Variants in LARP4B observed in about 807,000 individuals in gnomAD.
The protein encoded by LARP4B is La ribonucleoprotein 4B.
A neutral mutation model predicts 89.8 loss-of-function variants in LARP4B; 12 were observed. The observed-to-expected ratio is 0.13, with a 90% CI of 0.09 to 0.22. The LOEUF (loss-of-function observed/expected upper bound fraction) is 0.22. Ranked by LOEUF, LARP4B falls within the 10% of genes least tolerant of loss-of-function variation. LARP4B has a pLI of 1.00. For synonymous variants in LARP4B, 367 were observed against 363.3 expected, an observed-to-expected ratio of 1.01 and a Z score of -0.12; for missense variants, 757 against 947.7, an observed-to-expected ratio of 0.80 and a Z score of 2.64.
the LARP4B span, among the ~76,000 whole-genome samples, chr10:955,653 G>T: frequency 4.9e-4 from 75 of 152,238 alleles, no homozygotes; most frequent in African/African-American, 1.4e-3. This position sits in a 1 kb window ranked among gnomAD's most constrained non-coding sequence, Gnocchi z 5.2. Flanking sequence ...TAACACCATG[G>T]TTATTAAAGA....
chr10:955,524 A>T, the LARP4B span, among the ~76,000 whole-genome samples: 5 of 152,330 alleles, frequency 3.3e-5, no homozygotes, highest in East Asian at 9.6e-4. The surrounding 1 kb of genome is among the most constrained non-coding windows in gnomAD (Gnocchi z 5.2). Context: ...TGATTGGAGC[A>T]TGTCCTCGCT....
chr10:901,834 G>A (rs888067994), intron 1 of LARP4B, among the ~76,000 whole-genome samples: 3 of 152,154 alleles, frequency 2.0e-5, no homozygotes, highest in African/African-American at 7.2e-5. Flanking sequence ...GTGAGAAAAT[G>A]TGAGTTTTAT....
chr10:914,184 T>C (rs1156718895), intron 1 of LARP4B, among the ~76,000 whole-genome samples: 1 of 152,192 alleles, frequency 6.6e-6, no homozygotes, highest in African/African-American at 2.4e-5. Context: ...TCAAAATTAC[T>C]TCCTGGGTTT....
chr10:841,040 G>A (rs558647096), intron 7 of LARP4B, among the ~76,000 whole-genome samples: 1 of 152,212 alleles, frequency 6.6e-6, no homozygotes, highest in Non-Finnish European at 1.5e-5. Flanking sequence ...GTAATGCCCA[G>A]CTACTTGGGA....
At chr10:828,300 T>C (rs1314111263) in intron 11 of LARP4B, among the ~76,000 whole-genome samples, 1 of 152,230 alleles carries the variant, frequency 6.6e-6, no homozygotes, top group Non-Finnish European at 1.5e-5. Context: ...ATACTTAACC[T>C]GAAAAGCTCA....
chr10:981,973 T>C, the LARP4B span, among the ~76,000 whole-genome samples: 2 of 152,220 alleles, frequency 1.3e-5, no homozygotes, highest in Admixed American at 6.5e-5. Flanking sequence ...ATGTCTGAAA[T>C]TGCCTGAATC....
chr10:892,783 C>T (rs1433445139), intron 1 of LARP4B, among the ~76,000 whole-genome samples: 1 of 152,136 alleles, frequency 6.6e-6, no homozygotes, highest in Admixed American at 6.5e-5. Flanking sequence ...TTGTGATCCA[C>T]CCACCTCGGC....
chr10:845,009 T>C lies in LARP4B; in HGVS notation c.477A>G (p.Val159=), dbSNP rs199836344. ...QPDSQEDPRE[V]LKKTLEFCLS... is the part of the protein sequence containing the mutation. ...AGCAGAATTCCAATGTTTTTTTAAG[T>C]ACTTCTCGGGGGTCTTCCTGGCTGT... The change falls in exon 6 of 18, where the codon GTA becomes GTG. Residue 159 remains valine, a synonymous_variant. Coordinates refer to ENST00000316157, the MANE Select transcript of LARP4B (RefSeq NM_015155.3). The C allele has an allele frequency of 5.1e-4, 824 of 1,611,844 alleles. 11 individuals are homozygous for C. In the South Asian group the frequency reaches 8.2e-3, roughly 16 times the overall value.
At chr10:913,532 TACTC>T (rs770486301) in intron 1 of LARP4B, among the ~76,000 whole-genome samples, 6 of 152,346 alleles carry the variant, frequency 3.9e-5, no homozygotes, top group South Asian at 2.1e-4. Flanking sequence ...CATCAGCAAA[TACTC>T]ATTCATTTAA....
intron 1 of LARP4B, among the ~76,000 whole-genome samples, chr10:912,414 T>G (rs1454181644): frequency 6.6e-6 from 1 of 152,182 alleles, no homozygotes; most frequent in Non-Finnish European, 1.5e-5. Context: ...TAGGACAGGC[T>G]TGATCTAGAT....
chr10:863,050 T>C lies in LARP4B; in HGVS notation c.430+693A>G, dbSNP rs1409331221. On this transcript the variant is annotated intron_variant, in intron 5 of 17. Coordinates refer to ENST00000316157, the MANE Select transcript of LARP4B (RefSeq NM_015155.3). ...ATTTCCTCATCAACAGGAAAGAAGT[T>C]CAAATGTGAATGGCTTCTAAGACTT... Among the ~76,000 whole-genome samples the C allele has an allele frequency of 3.7e-4, 56 of 152,144 alleles. 1 individual carries two copies. Among genetic ancestry groups the C allele is most frequent in the Admixed American group, 3.7e-3 (56 of 15,280 alleles).
chr10:948,403 C>A, the LARP4B span, among the ~76,000 whole-genome samples: 34 of 152,308 alleles, frequency 2.2e-4, no homozygotes, highest in South Asian at 6.8e-3. Flanking sequence ...CCCACCACCA[C>A]AACTGACTAA....
upstream of LARP4B, among the ~76,000 whole-genome samples, chr10:935,075 G>A (rs34405399): frequency 0.19 from 28,363 of 152,148 alleles, 2,868 homozygotes; most frequent in Non-Finnish European, 0.23. Flanking sequence ...CCAGCCCCCT[G>A]TGTTTCCTTT....
At chr10:844,901 T>C in intron 6 of LARP4B, 76 bp downstream of exon 6, 2 of 1,063,822 alleles carry the variant, frequency 1.9e-6, no homozygotes, top group Non-Finnish European at 2.8e-6. Context: ...TCATAAAATA[T>C]CACATTTGTA....
the LARP4B span, among the ~76,000 whole-genome samples, chr10:939,546 T>A: frequency 6.6e-6 from 1 of 152,218 alleles, no homozygotes; most frequent in Non-Finnish European, 1.5e-5. Flanking sequence ...CAGCTTGTAT[T>A]CATGTGATTT....
At chr10:844,564 G>A (rs1222227579) in intron 6 of LARP4B, among the ~76,000 whole-genome samples, 1 of 152,042 alleles carries the variant, frequency 6.6e-6, no homozygotes, top group Non-Finnish European at 1.5e-5. Flanking sequence ...GAACTTTAAA[G>A]GTTTTACTAA....
intron 1 of LARP4B, among the ~76,000 whole-genome samples, chr10:926,043 G>A (rs929545634): frequency 6.6e-6 from 1 of 152,216 alleles, no homozygotes; most frequent in Non-Finnish European, 1.5e-5. Flanking sequence ...AAATGTGCAA[G>A]TATACAATCA....
the LARP4B span, among the ~76,000 whole-genome samples, chr10:952,131 G>A: frequency 6.6e-6 from 1 of 151,786 alleles, no homozygotes; most frequent in African/African-American, 2.4e-5. Flanking sequence ...AAGGTCAGGA[G>A]ATCAAGACCA....
At chr10:972,422 C>T in the LARP4B span, 1 of 431,428 alleles carries the variant, frequency 2.3e-6, no homozygotes, top group Non-Finnish European at 4.6e-6. Context: ...GAAACATGAG[C>T]CAAAAAAACT....
Sources: allele counts gnomAD v4.1 joint callset (sites outside exome capture counted in the v4.1 genomes callset), GRCh38; gene constraint gnomAD v4.1.1; non-coding constraint Gnocchi (gnomAD v3.1); transcripts MANE v1.5; gene names NCBI Gene and HGNC (gene_info 2026-07-23, HGNC 2026-07-21).